Variants in PYROXD1 observed in about 807,000 individuals in gnomAD.
The protein encoded by PYROXD1 is pyridine nucleotide-disulphide oxidoreductase domain 1.
Under a neutral mutation model 62.0 loss-of-function variants are expected in PYROXD1, and 42 were observed. That is an observed-to-expected ratio of 0.68 (90% confidence interval 0.53 to 0.88). PYROXD1 has a LOEUF of 0.88. Among genes scored for constraint, PYROXD1 ranks in the 40% least tolerant of loss-of-function variants. The pLI, the probability that PYROXD1 is intolerant of heterozygous loss-of-function variation, is 0.00. For missense variants in PYROXD1, 493 were observed against 604.8 expected (o/e 0.82, Z 1.94); for synonymous variants, 170 against 206.4 (o/e 0.82, Z 1.51).
intron 7 of PYROXD1, chr12:21,460,763 A>G (rs551795383): frequency 1.8e-4 from 39 of 221,264 alleles, no homozygotes; most frequent in African/African-American, 6.3e-4. Context: ...GTAATTATCA[A>G]TGAGGCCTAG....
rs1411508977 is a variant in PYROXD1, at chr12:21,470,851, T to C, written c.*2097T>C. The C allele has an allele frequency of 9.2e-6, 6 of 653,612 alleles. No homozygotes were observed. The highest frequency in any genetic ancestry group is 1.3e-5 in the Non-Finnish European group (6 of 446,006). The allele number at this position is 653,612 out of a possible 1,614,324, so 40.5% of individuals were successfully genotyped here. ...CTCTCTTCCATACCCAGAAATCTAATCAGAAAACTGACTTTTCTCATGTTC... is the reference window on the plus strand; with the variant it reads ...CTCTCTTCCATACCCAGAAATCTAACCAGAAAACTGACTTTTCTCATGTTC... On this transcript the variant is annotated 3_prime_UTR_variant, in exon 12 of 12. Coordinates refer to ENST00000240651, the MANE Select transcript of PYROXD1 (RefSeq NM_024854.5).
In PYROXD1 at chr12:21,442,417, G is replaced by A. The variant is rs537045198; in HGVS notation, c.165+1969G>A. On this transcript the variant is annotated intron_variant, in intron 2 of 11. Transcript: ENST00000240651. ...AGAGTTACAGCAGCTTCAGTGTCAG[G>A]GCAGGGCCTAGCTTTCAATGGCAGC... Among the ~76,000 whole-genome samples, 6 of 152,292 alleles carry A rather than the reference G, an allele frequency of 3.9e-5. No individual in the cohort carries two copies. In the East Asian group the frequency reaches 1.2e-3, roughly 29 times the overall value.
At chr12:21,439,817 T>G (rs1006034101) in intron 1 of PYROXD1, among the ~76,000 whole-genome samples, 7 of 152,162 alleles carry the variant, frequency 4.6e-5, no homozygotes, top group Admixed American at 3.9e-4. Flanking sequence ...AAGTTATACC[T>G]CTAAATTTTG....
In PYROXD1 at chr12:21,461,981, TGTTTTTTTG is replaced by T; in HGVS notation, c.881-18_881-10del. ...GATGGTTCCATTTACAAATAAAGTCTGTTTTTTTGGTTTTTTTTTCTTAAAGAGATGTGG... is the reference window on the plus strand; with the variant it reads ...GATGGTTCCATTTACAAATAAAGTCTGTTTTTTTTTCTTAAAGAGATGTGG... On this transcript the variant is annotated intron_variant, in intron 8 of 11. Coordinates refer to ENST00000240651, the MANE Select transcript of PYROXD1 (RefSeq NM_024854.5). 1.4e-6 allele frequency: 2 copies of T among 1,431,066 alleles called. No homozygotes were observed. The highest frequency in any genetic ancestry group is 2.0e-6 in the Non-Finnish European group (2 of 1,018,234). 88.6% of individuals were successfully genotyped at this position (1,431,066 alleles called of 1,614,324 possible).
intron 4 of PYROXD1, among the ~76,000 whole-genome samples, chr12:21,450,597 C>T (rs1942477535): frequency 6.6e-6 from 1 of 152,182 alleles, no homozygotes; most frequent in South Asian, 2.1e-4. Context: ...GAAGCTCTTC[C>T]TGGTTTCACA....
intron 7 of PYROXD1, among the ~76,000 whole-genome samples, chr12:21,459,333 T>C (rs558020244): frequency 6.6e-6 from 1 of 152,284 alleles, no homozygotes; most frequent in East Asian, 1.9e-4. Flanking sequence ...GCTGAACATG[T>C]GGAAGTTGCT....
chr12:21,442,660 A>G (rs745707688), intron 2 of PYROXD1, among the ~76,000 whole-genome samples: 1 of 152,342 alleles, frequency 6.6e-6, no homozygotes, highest in Middle Eastern at 3.4e-3. Flanking sequence ...TCCTTTGCCA[A>G]AGCATCTTGA....
At chr12:21,464,085 A>G (rs183366228) in intron 10 of PYROXD1, among the ~76,000 whole-genome samples, 4 of 150,978 alleles carry the variant, frequency 2.6e-5, no homozygotes, top group East Asian at 1.9e-4. Flanking sequence ...GCCTCATTCT[A>G]TGTCATTTCT....
chr12:21,453,945 A>G (rs1591947541), intron 5 of PYROXD1, among the ~76,000 whole-genome samples: 1 of 152,070 alleles, frequency 6.6e-6, no homozygotes, highest in Non-Finnish European at 1.5e-5. Context: ...ATTTGTGTGT[A>G]TTCCACTTTC....
intron 4 of PYROXD1, among the ~76,000 whole-genome samples, chr12:21,451,315 A>G (rs561897766): frequency 6.6e-6 from 1 of 151,868 alleles, no homozygotes; most frequent in African/African-American, 2.4e-5. Context: ...ATATGTATAC[A>G]TGTGCCATGT....
intron 11 of PYROXD1, 89 bp downstream of exon 11, chr12:21,467,707 GTACA>G (rs1942827671): frequency 5.8e-6 from 6 of 1,031,152 alleles, no homozygotes; most frequent in South Asian, 1.8e-5. Flanking sequence ...GAATAAAAAC[GTACA>G]TAGTTTTAAT....
At position 21,470,540 on chromosome 12, in the gene PYROXD1, A is replaced by G. The variant is rs938195464; in HGVS notation, c.*1786A>G. 32 of 921,002 alleles carry G rather than the reference A, an allele frequency of 3.5e-5. No homozygotes were observed. The African/African-American group carries it at 5.3e-4, about 15-fold the overall frequency. 57.1% of individuals were successfully genotyped at this position (921,002 alleles called of 1,614,324 possible). On this transcript the variant is annotated 3_prime_UTR_variant, in exon 12 of 12. Transcript: ENST00000240651. ...TTTGAATAAAAGGGGCTACGTTGTG[A>G]GAGAAGTTCTAAAGACCTCAAATGT... is the stretch of plus-strand genomic sequence containing the variant.
rs1350475350 is a variant in PYROXD1, at chr12:21,468,970, G to A, written c.*216G>A. 9.7e-6 allele frequency: 4 copies of A among 412,226 alleles called. No individual in the cohort carries two copies. The highest frequency in any genetic ancestry group is 9.6e-5 in the East Asian group (2 of 20,766). 25.5% of individuals were successfully genotyped at this position (412,226 alleles called of 1,614,324 possible). A position where few individuals can be genotyped will look rare whatever the true frequency, so the allele number is the denominator to read the frequency against. On this transcript the variant is annotated 3_prime_UTR_variant, in exon 12 of 12. Coordinates refer to ENST00000240651, the MANE Select transcript of PYROXD1 (RefSeq NM_024854.5). The stretch of plus-strand genomic sequence containing the variant: ...ATATCTTTCCAATACAACACTGACC[G>A]CTTAGATAAAAATCTTAAGTTATTT...
chr12:21,451,088 G>T (rs1407901916), intron 4 of PYROXD1, among the ~76,000 whole-genome samples: 1 of 152,088 alleles, frequency 6.6e-6, no homozygotes, highest in African/African-American at 2.4e-5. Flanking sequence ...GAATTTTAAA[G>T]ATGTCAGCTT....
At position 21,471,074 on chromosome 12, in the gene PYROXD1, A is replaced by G. The variant is rs932416672; in HGVS notation, c.*2320A>G. The G allele has an allele frequency of 3.1e-6, 5 of 1,597,786 alleles. No homozygotes were observed. Among genetic ancestry groups the G allele is most frequent in the Admixed American group, 1.8e-5 (1 of 56,496 alleles). On this transcript the variant is annotated 3_prime_UTR_variant, in exon 12 of 12. Coordinates refer to ENST00000240651, the MANE Select transcript of PYROXD1 (RefSeq NM_024854.5). ...CTATTTTCAAATACGAAATGGTAGC[A>G]TAAGCTGTAAAACTGTAGTCTTCTC...
chr12:21,455,481 TAAAAC>T (rs1221109088), intron 6 of PYROXD1, among the ~76,000 whole-genome samples, 189 bp downstream of exon 6: 1 of 149,736 alleles, frequency 6.7e-6, no homozygotes, highest in African/African-American at 2.4e-5. Flanking sequence ...TATATATAAT[TAAAAC>T]AAGAAATTTA....
chr12:21,437,769 C>T lies in PYROXD1; in HGVS notation c.39C>T (p.Phe13=), dbSNP rs776503442. 7.4e-6 allele frequency: 12 copies of T among 1,613,238 alleles called. No homozygotes were observed. The highest frequency in any genetic ancestry group is 1.7e-5 in the Admixed American group (1 of 59,962). The change falls in exon 1 of 12, where the codon TTC becomes TTT. Residue 13 remains phenylalanine (F), a synonymous_variant. Coordinates refer to ENST00000240651, the MANE Select transcript of PYROXD1 (RefSeq NM_024854.5). The part of the protein sequence containing the change: ...AARPPPTAGK[F]VVVGGGIAGV... Reference sequence around the variant, plus strand: ...GCCCTCCCCCGACGGCAGGGAAGTTCGTGGTGGTCGGCGGCGGCATCGCGG... The same window carrying T: ...GCCCTCCCCCGACGGCAGGGAAGTTTGTGGTGGTCGGCGGCGGCATCGCGG...
intron 10 of PYROXD1, among the ~76,000 whole-genome samples, chr12:21,466,450 A>T (rs927429683): frequency 1.1e-4 from 17 of 152,054 alleles, no homozygotes; most frequent in Non-Finnish European, 2.5e-4. Context: ...GAATTCACTC[A>T]TGATTTGGCT....
At chr12:21,452,035 G>A in intron 4 of PYROXD1, 46 bp from the exon 5 acceptor site, 1 of 1,096,140 alleles carries the variant, frequency 9.1e-7, no homozygotes, top group Non-Finnish European at 1.4e-6. Flanking sequence ...TCAGATTATT[G>A]CCCACTATTA....
Sources: allele counts gnomAD v4.1 joint callset (sites outside exome capture counted in the v4.1 genomes callset), GRCh38; gene constraint gnomAD v4.1.1; transcripts MANE v1.5; gene names NCBI Gene and HGNC (gene_info 2026-07-23, HGNC 2026-07-21).